GRM5: variants seen among roughly 807,000 people sequenced by gnomAD.
GRM5 encodes glutamate metabotropic receptor 5, also known as metabotropic glutamate receptor 5.
A neutral mutation model predicts 83.1 loss-of-function variants in GRM5; 19 were observed. The ratio of observed to expected loss-of-function variants is 0.23; its 90% CI spans 0.16 to 0.34. The LOEUF (loss-of-function observed/expected upper bound fraction) is 0.34. GRM5 is among the 10% of genes least tolerant of loss of function. The pLI, the probability that GRM5 is intolerant of heterozygous loss-of-function variation, is 1.00. For synonymous variants in GRM5, 675 were observed against 633.6 expected, an observed-to-expected ratio of 1.07 and a Z score of -0.98; for missense variants, 1,160 against 1,588.3, an observed-to-expected ratio of 0.73 and a Z score of 4.58.
intron 9 of GRM5, chr11:88,512,204 C>G (rs1285908222): frequency 1.3e-5 from 2 of 154,368 alleles, no homozygotes; most frequent in Non-Finnish European, 2.9e-5. Context: ...TCAACCAATT[C>G]TGTACAAAGT....
chr11:88,766,012 A>T (rs930180225), intron 3 of GRM5, among the ~76,000 whole-genome samples: 1 of 151,830 alleles, frequency 6.6e-6, no homozygotes, highest in South Asian at 2.1e-4. Flanking sequence ...TCTGATTCAA[A>T]AAAAGGCAAA....
At chr11:88,999,689 A>G (rs2135066193) in intron 2 of GRM5, among the ~76,000 whole-genome samples, 1 of 152,286 alleles carries the variant, frequency 6.6e-6, no homozygotes, top group Non-Finnish European at 1.5e-5. Context: ...GCGACTCCTC[A>G]GGGATCTAGA....
intron 2 of GRM5, among the ~76,000 whole-genome samples, chr11:88,864,263 A>G (rs1348673647): frequency 6.6e-6 from 1 of 151,282 alleles, no homozygotes; most frequent in Non-Finnish European, 1.5e-5. Context: ...GTGCAATAGA[A>G]GAGGTTTCTG....
At chr11:88,537,159 G>A (rs1317623029) in intron 8 of GRM5, among the ~76,000 whole-genome samples, 2 of 152,146 alleles carry the variant, frequency 1.3e-5, no homozygotes, top group Non-Finnish European at 2.9e-5. Flanking sequence ...AGACTGAAAA[G>A]GTCGTACATG....
intron 2 of GRM5, among the ~76,000 whole-genome samples, chr11:88,980,043 G>A (rs1048838518): frequency 2.6e-5 from 4 of 152,300 alleles, no homozygotes; most frequent in Admixed American, 2.0e-4. Context: ...AAATGTGGGA[G>A]ATTCTGAAGA....
At chr11:88,631,392 A>G (rs1938966874) in intron 4 of GRM5, among the ~76,000 whole-genome samples, 1 of 152,188 alleles carries the variant, frequency 6.6e-6, no homozygotes, top group Non-Finnish European at 1.5e-5. Flanking sequence ...ATATTTACTA[A>G]TACCACATAT....
intron 4 of GRM5, among the ~76,000 whole-genome samples, chr11:88,614,724 A>G (rs77785989): frequency 0.013 from 2,039 of 152,278 alleles, 23 homozygotes; most frequent in East Asian, 0.046. Flanking sequence ...CCTAAGCACT[A>G]CAAGATAGAC....
intron 4 of GRM5, among the ~76,000 whole-genome samples, chr11:88,620,232 A>G (rs1938596654): frequency 6.6e-6 from 1 of 152,228 alleles, no homozygotes; most frequent in South Asian, 2.1e-4. Flanking sequence ...TGTCATGTTT[A>G]TCTTGGATCT....
chr11:88,865,189 G>A (rs1277148388), intron 2 of GRM5, among the ~76,000 whole-genome samples: 1 of 152,044 alleles, frequency 6.6e-6, no homozygotes, highest in Admixed American at 6.6e-5. Context: ...AAAACAGCAT[G>A]GTACTCATAT....
chr11:88,762,581 G>C (rs1319665407), intron 3 of GRM5, among the ~76,000 whole-genome samples: 3 of 151,958 alleles, frequency 2.0e-5, no homozygotes. Context: ...ACTGTTGATG[G>C]GTGTGTAAAC....
At chr11:89,012,387 C>T (rs12420474) in intron 2 of GRM5, among the ~76,000 whole-genome samples, 6,267 of 152,236 alleles carry the variant, frequency 0.041, 210 homozygotes, top group East Asian at 0.1. Flanking sequence ...AGCATCCTGG[C>T]CTAATCCAGC....
At chr11:88,559,138 C>T (rs559725818) in intron 8 of GRM5, among the ~76,000 whole-genome samples, 1 of 152,102 alleles carries the variant, frequency 6.6e-6, no homozygotes, top group Non-Finnish European at 1.5e-5. Flanking sequence ...AAATTTCAGG[C>T]AGTTCTTAAG....
chr11:88,695,791 T>C (rs1028685556), intron 3 of GRM5, among the ~76,000 whole-genome samples: 1 of 152,146 alleles, frequency 6.6e-6, no homozygotes, highest in African/African-American at 2.4e-5. Context: ...GCTTCTTCCA[T>C]GCTCTGCTGC....
chr11:88,884,677 T>A (rs1376631099), intron 2 of GRM5, among the ~76,000 whole-genome samples: 4 of 152,138 alleles, frequency 2.6e-5, no homozygotes, highest in African/African-American at 9.7e-5. Context: ...AGGGACCCAG[T>A]GGGAGGTAAC....
chr11:88,690,557 A>T (rs1224641140), intron 3 of GRM5, among the ~76,000 whole-genome samples: 1 of 152,194 alleles, frequency 6.6e-6, no homozygotes, highest in African/African-American at 2.4e-5. Flanking sequence ...CCTAAGGATC[A>T]TCATAATTTG....
At chr11:88,988,650 A>C (rs1413892261) in intron 2 of GRM5, among the ~76,000 whole-genome samples, 2 of 151,742 alleles carry the variant, frequency 1.3e-5, no homozygotes, top group African/African-American at 4.9e-5. Flanking sequence ...CATCAGACTA[A>C]CAGCGGATCT....
At chr11:88,808,760 C>A (rs557847831) in intron 3 of GRM5, among the ~76,000 whole-genome samples, 1 of 152,128 alleles carries the variant, frequency 6.6e-6, no homozygotes, top group African/African-American at 2.4e-5. Context: ...CCTAGATGAA[C>A]TCCTGGCTTG....
intron 1 of GRM5, chr11:89,063,722 G>A (rs982361076): frequency 3.9e-5 from 6 of 152,198 alleles, no homozygotes; most frequent in African/African-American, 1.2e-4. Flanking sequence ...AGCGGAGGAG[G>A]GAGGGGTGGT....
intron 3 of GRM5, among the ~76,000 whole-genome samples, chr11:88,744,508 T>A (rs565287544): frequency 6.6e-6 from 1 of 152,236 alleles, no homozygotes; most frequent in African/African-American, 2.4e-5. Context: ...AAGGAACAAG[T>A]ATCGAGCACC....
Sources: gnomAD v4.1 joint callset for allele counts (sites outside exome capture counted in the v4.1 genomes callset) on GRCh38, gnomAD v4.1.1 for gene constraint, MANE v1.5 for transcripts, NCBI Gene and HGNC (gene_info 2026-07-23, HGNC 2026-07-21) for gene names.